Variants in PHLPP2 observed in about 807,000 individuals in gnomAD.
The protein encoded by PHLPP2 is PH domain and leucine rich repeat protein phosphatase 2.
In PHLPP2, 66 loss-of-function variants were observed where a neutral mutation model predicts 124.9. That is an observed-to-expected ratio of 0.53 (90% CI 0.43 to 0.65). PHLPP2 has a LOEUF of 0.65. Ranked by LOEUF, PHLPP2 falls within the 30% of genes least tolerant of loss-of-function variation. The pLI is 0.00. For missense variants in PHLPP2, 1,685 were observed against 1,600.4 expected (o/e 1.05, Z -0.90); for synonymous variants, 681 against 624.7 (o/e 1.09, Z -1.34).
At chr16:71,671,976 C>A (rs576212005) in intron 10 of PHLPP2, among the ~76,000 whole-genome samples, 1 of 152,124 alleles carries the variant, frequency 6.6e-6, no homozygotes, top group Non-Finnish European at 1.5e-5. Flanking sequence ...ACTGACAAAA[C>A]GGGAATCAGT....
intron 1 of PHLPP2, 77 bp from the exon 2 acceptor site, chr16:71,714,878 C>T (rs1382737755): frequency 1.3e-6 from 2 of 1,510,120 alleles, no homozygotes; most frequent in South Asian, 1.3e-5. Flanking sequence ...CACCCCACCT[C>T]TCTCTACTTT....
chr16:71,723,587 G>A (rs2045412079), intron 1 of PHLPP2: 1 of 263,774 alleles, frequency 3.8e-6, no homozygotes, highest in African/African-American at 2.3e-5. Context: ...GCGGCGCGGA[G>A]GCCTCGGCGT....
chr16:71,658,616 C>T, intron 14 of PHLPP2, 37 bp downstream of exon 14: 1 of 1,586,092 alleles, frequency 6.3e-7, no homozygotes, highest in Non-Finnish European at 8.6e-7. Flanking sequence ...CCTGCCATTT[C>T]CCCCAATAAG....
At chr16:71,713,432 C>T (rs2045336674) in intron 2 of PHLPP2, among the ~76,000 whole-genome samples, 1 of 152,030 alleles carries the variant, frequency 6.6e-6, no homozygotes, top group Non-Finnish European at 1.5e-5. Context: ...TGAAAATTAA[C>T]AATACTAATA....
intron 13 of PHLPP2, among the ~76,000 whole-genome samples, chr16:71,661,221 A>C (rs1320310313): frequency 1.8e-4 from 28 of 151,610 alleles, no homozygotes; most frequent in Admixed American, 1.7e-3. Context: ...CAGGCACACA[A>C]CACCACACTC....
chr16:71,711,081 G>A (rs2045320645), intron 2 of PHLPP2, among the ~76,000 whole-genome samples: 1 of 152,174 alleles, frequency 6.6e-6, no homozygotes, highest in Non-Finnish European at 1.5e-5. Context: ...TGTAATCCCA[G>A]CACTTTGGGA....
At chr16:71,700,780 C>CT (rs1395624484) in intron 3 of PHLPP2, among the ~76,000 whole-genome samples, 2 of 152,138 alleles carry the variant, frequency 1.3e-5, no homozygotes, top group Non-Finnish European at 2.9e-5. Context: ...CCGCCTCAGC[C>CT]TCCCAAAGTG....
chr16:71,717,980 C>G (rs768322169), intron 1 of PHLPP2, among the ~76,000 whole-genome samples: 16 of 152,184 alleles, frequency 1.1e-4, no homozygotes, highest in Non-Finnish European at 2.4e-4. Flanking sequence ...CAGCTTCGAA[C>G]TCCTGACCTC....
intron 13 of PHLPP2, 41 bp from the exon 14 acceptor site, chr16:71,658,856 G>C (rs1350084263): frequency 6.3e-7 from 1 of 1,586,260 alleles, no homozygotes; most frequent in Middle Eastern, 1.7e-4. Context: ...CACCAAGACT[G>C]AGCAGCTGCC....
rs547631776 is a variant in PHLPP2 at position 71,667,063 on chromosome 16, G to T, written c.1784+115C>A. ...GCAAATAAGTCTCCACTCATAGTTGGACTATTAGGTAAACGCTCTGTAAAT... is the reference window on the plus strand; with the variant it reads ...GCAAATAAGTCTCCACTCATAGTTGTACTATTAGGTAAACGCTCTGTAAAT... On this transcript the variant is annotated intron_variant, in intron 12 of 18. Coordinates refer to ENST00000568954, the MANE Select transcript of PHLPP2 (RefSeq NM_015020.3). 1.8e-3 allele frequency: 1,452 copies of T among 808,216 alleles called. 37 individuals carry two copies. In the South Asian group the frequency reaches 0.031, roughly 17 times the overall value. 50.1% of individuals were successfully genotyped at this position (808,216 alleles called of 1,614,324 possible).
intron 1 of PHLPP2, among the ~76,000 whole-genome samples, chr16:71,717,304 T>C (rs1597020801): frequency 6.6e-6 from 1 of 152,218 alleles, no homozygotes; most frequent in Admixed American, 6.5e-5. Context: ...AGTTAGCAGG[T>C]ATTTCTATGT....
chr16:71,668,273 G>A (rs372146852), intron 11 of PHLPP2, among the ~76,000 whole-genome samples: 4 of 151,902 alleles, frequency 2.6e-5, no homozygotes, highest in South Asian at 2.1e-4. Context: ...AAATTTAGCC[G>A]GGCGTGGCAG....
rs745326880 is a variant in PHLPP2, at chr16:71,669,279, C to T, written c.1624G>A (p.Val542Met). The T allele has an allele frequency of 4.9e-5, 79 of 1,604,320 alleles. No individual in the cohort carries two copies. The Middle Eastern group carries it at 6.6e-4, about 13-fold the overall frequency. The change falls in exon 11 of 19, where the codon GTG (valine) becomes ATG (methionine). Residue 542 changes from valine (V) to methionine (M), a missense_variant. Physicochemically the swap from Val to Met is conservative, Grantham distance 21 (BLOSUM62 1). Transcript: ENST00000568954. ...VSYNLLTEVPVRILSSLSLRK... is the reference protein window; with the variant it reads ...VSYNLLTEVPMRILSSLSLRK... Reference sequence around the variant, plus strand: ...TATGCATCCAGGCACACATACCTCACGGGAACCTCTGTGAGAAGATTATAG... The same window carrying T: ...TATGCATCCAGGCACACATACCTCATGGGAACCTCTGTGAGAAGATTATAG...
chr16:71,695,404 G>A (rs1298738496), intron 3 of PHLPP2, among the ~76,000 whole-genome samples: 2 of 152,056 alleles, frequency 1.3e-5, no homozygotes, highest in Non-Finnish European at 2.9e-5. Flanking sequence ...CCAATACTAT[G>A]CCCCTGAAAG....
At position 71,646,099 on chromosome 16, in the gene PHLPP2, C is replaced by T. The variant is rs7188675; in HGVS notation, c.*2791G>A. 128,637 of 152,632 alleles carry T rather than the reference C, an allele frequency of 0.84. 54,433 individuals carry two copies. Among genetic ancestry groups the T allele is most frequent in the East Asian group, 0.99 (5,141 of 5,190 alleles). 9.5% of individuals were successfully genotyped at this position (152,632 alleles called of 1,614,324 possible). A position where few individuals can be genotyped will look rare whatever the true frequency, so the allele number is the denominator to read the frequency against. ...AACTGTACTCTGCCCACCTGGGGAA[C>T]ACATCCTCTGGGTAAAGTACTCGGA... On this transcript the variant is annotated 3_prime_UTR_variant, in exon 19 of 19. Coordinates refer to ENST00000568954, the MANE Select transcript of PHLPP2 (RefSeq NM_015020.3).
At chr16:71,678,703 A>C in intron 8 of PHLPP2, 52 bp downstream of exon 8, 1 of 936,352 alleles carries the variant, frequency 1.1e-6, no homozygotes, top group Non-Finnish European at 1.7e-6. Context: ...CAGAAGACAT[A>C]AAGGTCCACC....
chr16:71,717,088 G>A (rs1717173910), intron 1 of PHLPP2, among the ~76,000 whole-genome samples: 1 of 152,148 alleles, frequency 6.6e-6, no homozygotes, highest in Non-Finnish European at 1.5e-5. Flanking sequence ...AACAAACTTG[G>A]GGGGGAAAAT....
At position 71,714,715 on chromosome 16, in the gene PHLPP2, A is replaced by T. The variant is rs1212490046; in HGVS notation, c.81T>A (p.Asp27Glu). 6.2e-7 allele frequency: 1 copy of T among 1,614,060 alleles called. No homozygotes were observed. Among genetic ancestry groups the T allele is most frequent in the Admixed American group, 1.7e-5 (1 of 60,002 alleles). The change falls in exon 2 of 19, where the codon GAT (aspartate) becomes GAA (glutamate). Residue 27 changes from aspartate to glutamate, a missense_variant. By Grantham distance (45) the Asp-to-Glu change is conservative (BLOSUM62 2). Coordinates refer to ENST00000568954, the MANE Select transcript of PHLPP2 (RefSeq NM_015020.3). Reference sequence around the variant, plus strand: ...AAAGGTAAACACAGCCTCTCTTTACATCTTCTCTTAGCCAGTCTCTTTCTC... The same window carrying T: ...AAAGGTAAACACAGCCTCTCTTTACTTCTTCTCTTAGCCAGTCTCTTTCTC... The part of the protein sequence containing the change: ...GSRERDWLRE[D>E]VKRGCVYLYG...
intron 3 of PHLPP2, among the ~76,000 whole-genome samples, chr16:71,701,176 C>T (rs1266158547): frequency 6.6e-6 from 1 of 152,102 alleles, no homozygotes; most frequent in African/African-American, 2.4e-5. Context: ...AGATTTCTGG[C>T]CCACAAAAAC....
Sources: allele counts gnomAD v4.1 joint callset (sites outside exome capture counted in the v4.1 genomes callset), GRCh38; gene constraint gnomAD v4.1.1; transcripts MANE v1.5; gene names NCBI Gene and HGNC (gene_info 2026-07-23, HGNC 2026-07-21).